ATL3: variants seen among roughly 807,000 people sequenced by gnomAD.
The protein encoded by ATL3 is atlastin-3.
ATL3 carries 49 observed loss-of-function variants against 69.5 expected under a neutral mutation model. That is an observed-to-expected ratio of 0.71 (90% CI 0.56 to 0.89). ATL3 has a LOEUF of 0.89. Among genes scored for constraint, ATL3 ranks in the 40% least tolerant of loss-of-function variants. The pLI, the probability that ATL3 is intolerant of heterozygous loss-of-function variation, is 0.00. For missense variants in ATL3, 606 were observed against 645.7 expected (o/e 0.94, Z 0.67); for synonymous variants, 214 against 224.1 (o/e 0.95, Z 0.40).
At chr11:63,650,095 G>C (rs1940024075) in intron 5 of ATL3, among the ~76,000 whole-genome samples, 1 of 151,128 alleles carries the variant, frequency 6.6e-6, no homozygotes, top group South Asian at 2.1e-4. Flanking sequence ...CAACAATTCT[G>C]TCAAGTTCCC....
chr11:63,636,113 T>C lies in ATL3; in HGVS notation c.978+94A>G, dbSNP rs1444608014. 3.9e-6 allele frequency: 6 copies of C among 1,520,458 alleles called. No homozygotes were observed. The East Asian group carries it at 9.0e-5, about 23-fold the overall frequency. 94.2% of individuals were successfully genotyped at this position (1,520,458 alleles called of 1,614,324 possible). On this transcript the variant is annotated intron_variant, in intron 9 of 12. Transcript: ENST00000398868. ...CTCTCACCATCTCCCCCAGAAAATT[T>C]TTAAGTTTCAAAATATTTAAATTCA...
In ATL3 at chr11:63,630,800, C is replaced by CA. The variant is rs58752695; in HGVS notation, c.1539+239dup. 7.3e-3 allele frequency among the ~76,000 whole-genome samples: 803 copies of CA among 109,890 alleles called. 7 individuals are homozygous for CA. Among genetic ancestry groups the CA allele is most frequent in the African/African-American group, 0.025 (748 of 29,788 alleles). 72.1% of individuals were successfully genotyped at this position (109,890 alleles called of 152,430 possible). A position where few individuals can be genotyped will look rare whatever the true frequency, so the allele number is the denominator to read the frequency against. ...AAGAGAGCACAGCGAGACTTTGTCTCAAAAAAAAAAAAAAAAAGCGGGGCG... is the reference window on the plus strand; with the variant it reads ...AAGAGAGCACAGCGAGACTTTGTCTCAAAAAAAAAAAAAAAAAAGCGGGGCG... On this transcript the variant is annotated intron_variant, in intron 12 of 12. Coordinates refer to ENST00000398868, the MANE Select transcript of ATL3 (RefSeq NM_015459.5).
chr11:63,644,882 A>C (rs1033102084), intron 6 of ATL3, among the ~76,000 whole-genome samples: 2 of 152,176 alleles, frequency 1.3e-5, no homozygotes, highest in African/African-American at 4.8e-5. Flanking sequence ...GAATACAGTA[A>C]AGGACAAAAG....
At chr11:63,645,500 G>C (rs1042071409) in intron 6 of ATL3, among the ~76,000 whole-genome samples, 1 of 152,126 alleles carries the variant, frequency 6.6e-6, no homozygotes, top group African/African-American at 2.4e-5. Flanking sequence ...TCATTCTCAA[G>C]AAACACTGAA....
rs1234538532 is a variant in ATL3, at chr11:63,625,706, GC to G, written c.*3612del. ...AAGAGAAAAAATAAAGCAAAACAAG[GC>G]CAGGTTCCAGTGGCTCACGCCTGTA... is the stretch of plus-strand genomic sequence containing the variant. On this transcript the variant is annotated 3_prime_UTR_variant, in exon 13 of 13. Coordinates refer to ENST00000398868, the MANE Select transcript of ATL3 (RefSeq NM_015459.5). The G allele has an allele frequency of 2.6e-5, 4 of 152,254 alleles. No homozygotes were observed. The highest frequency in any genetic ancestry group is 5.9e-5 in the Non-Finnish European group (4 of 68,080). The allele number at this position is 152,254 out of a possible 1,614,324, so 9.4% of individuals were successfully genotyped here. A position where few individuals can be genotyped will look rare whatever the true frequency, so the allele number is the denominator to read the frequency against.
chr11:63,658,922 T>G lies in ATL3; in HGVS notation c.262-18A>C, dbSNP rs1186133656. On this transcript the variant is annotated intron_variant, in intron 2 of 12. Transcript: ENST00000398868. The stretch of plus-strand genomic sequence containing the variant: ...CTTTCCTTCTACAGAAGTAAGAAAT[T>G]TCTATTAAATCTTAAATTAAAAATT... The G allele has an allele frequency of 2.5e-6, 4 of 1,586,706 alleles. 1 individual carries two copies. In the East Asian group the frequency reaches 9.0e-5, roughly 36 times the overall value.
intron 1 of ATL3, among the ~76,000 whole-genome samples, chr11:63,666,843 C>A (rs145096988): frequency 5.3e-5 from 8 of 152,302 alleles, no homozygotes; most frequent in Admixed American, 5.2e-4. Flanking sequence ...CTGCATACTG[C>A]AACAACAGTT....
chr11:63,644,701 A>G (rs1939811963), intron 6 of ATL3, among the ~76,000 whole-genome samples: 2 of 152,258 alleles, frequency 1.3e-5, no homozygotes, highest in East Asian at 3.9e-4. Flanking sequence ...AGATTTATCT[A>G]TTCTGTAATG....
At chr11:63,655,960 C>T (rs1340721552) in intron 3 of ATL3, among the ~76,000 whole-genome samples, 1 of 152,206 alleles carries the variant, frequency 6.6e-6, no homozygotes, top group Non-Finnish European at 1.5e-5. Context: ...CGCAGTGGCT[C>T]ACGCCTATAA....
chr11:63,634,015 A>G (rs1939420991), intron 10 of ATL3, among the ~76,000 whole-genome samples: 1 of 144,570 alleles, frequency 6.9e-6, no homozygotes, highest in Admixed American at 6.9e-5. Flanking sequence ...AGCCTGAGCA[A>G]TAGAGCAAGA....
At position 63,652,531 on chromosome 11, in the gene ATL3, C is replaced by T. The variant is rs767486078; in HGVS notation, c.450G>A (p.Gln150=). 1.9e-6 allele frequency: 3 copies of T among 1,612,122 alleles called. No homozygotes were observed. The highest frequency in any genetic ancestry group is 2.2e-5 in the South Asian group (2 of 90,776). Residue 150 remains glutamine (Q), a synonymous_variant, in exon 4 of 13, where the codon CAG becomes CAA. Coordinates refer to ENST00000398868, the MANE Select transcript of ATL3 (RefSeq NM_015459.5). The part of the protein sequence containing the change: ...LMDTQGAFDS[Q]STVKDCATIF... ...TGGTAGCACAGTCTTTCACAGTTGACTGGCTGTCAAATGCCCCCTGGGTAT... is the reference window on the plus strand; with the variant it reads ...TGGTAGCACAGTCTTTCACAGTTGATTGGCTGTCAAATGCCCCCTGGGTAT...
At chr11:63,636,435 T>TTAA (rs1939519811) in intron 8 of ATL3, 101 bp from the exon 9 acceptor site, 1 of 1,490,904 alleles carries the variant, frequency 6.7e-7, no homozygotes, top group Admixed American at 1.9e-5. Context: ...CTTTTAACAT[T>TTAA]GGTTGTTAAA....
chr11:63,635,958 G>A (rs1269999792), intron 9 of ATL3, among the ~76,000 whole-genome samples: 1 of 148,868 alleles, frequency 6.7e-6, no homozygotes, highest in Non-Finnish European at 1.5e-5. Flanking sequence ...TCTTCCTTGA[G>A]GAACAATCTT....
At chr11:63,645,799 GCT>G (rs1939855403) in intron 6 of ATL3, among the ~76,000 whole-genome samples, 2 of 151,132 alleles carry the variant, frequency 1.3e-5, no homozygotes, top group East Asian at 3.9e-4. Context: ...ACAAAGTCTT[GCT>G]CTGTCGCCCA....
intron 8 of ATL3, among the ~76,000 whole-genome samples, chr11:63,641,601 G>A (rs531547723): frequency 3.3e-5 from 5 of 152,310 alleles, no homozygotes; most frequent in African/African-American, 7.2e-5. Context: ...CAGATGCTAG[G>A]AGAGAGTGTG....
intron 1 of ATL3, among the ~76,000 whole-genome samples, chr11:63,664,444 G>A (rs950152660): frequency 1.3e-5 from 2 of 151,500 alleles, no homozygotes; most frequent in African/African-American, 4.8e-5. Context: ...GGAGACTGAA[G>A]CAGGAGAATC....
In ATL3 at chr11:63,631,205, T is replaced by C. The variant is rs17158455; in HGVS notation, c.1374A>G (p.Ser458=). The C allele has an allele frequency of 1.6e-3, 2,556 of 1,614,212 alleles. 31 individuals are homozygous for C. In the African/African-American group the frequency reaches 0.031, roughly 19 times the overall value. ...CAAGACCTATGAAGCCAGTGAGGCC[T>C]GAGGCTATGTACAAAGCTACAATGC... ...FTGIVALYIA[S]GLTGFIGLEV... Residue 458 remains serine (S), a synonymous_variant, in exon 12 of 13, where the codon TCA becomes TCG. Transcript: ENST00000398868.
chr11:63,648,342 C>G (rs548561650), intron 5 of ATL3, among the ~76,000 whole-genome samples: 1 of 152,102 alleles, frequency 6.6e-6, no homozygotes, highest in African/African-American at 2.4e-5. Flanking sequence ...GAATAAATAT[C>G]TGCAAAAAAA....
intron 1 of ATL3, among the ~76,000 whole-genome samples, chr11:63,662,250 G>C (rs909154892): frequency 6.6e-6 from 1 of 150,960 alleles, no homozygotes; most frequent in Non-Finnish European, 1.5e-5. Flanking sequence ...AAGAAATTCA[G>C]AGCCACTTAG....
Sources: allele counts gnomAD v4.1 joint callset (sites outside exome capture counted in the v4.1 genomes callset), GRCh38; gene constraint gnomAD v4.1.1; transcripts MANE v1.5; gene names NCBI Gene and HGNC (gene_info 2026-07-23, HGNC 2026-07-21).